PRKCE: variants seen among roughly 807,000 people sequenced by gnomAD.
PRKCE encodes protein kinase C epsilon type.
Under a neutral mutation model 85.4 loss-of-function variants are expected in PRKCE, and 16 were observed. That is an observed-to-expected ratio of 0.19 (90% CI 0.13 to 0.28). The LOEUF (loss-of-function observed/expected upper bound fraction) is 0.28. Among genes scored for constraint, PRKCE ranks in the 10% least tolerant of loss-of-function variants. The probability of loss-of-function intolerance (pLI) is 1.00; values close to 1 mark genes in which losing one functional copy is unlikely to be tolerated. For missense variants in PRKCE, 573 were observed against 975.2 expected, an observed-to-expected ratio of 0.59 and a Z score of 5.49; for synonymous variants, 388 against 371.5, an observed-to-expected ratio of 1.04 and a Z score of -0.51.
At chr2:46,077,167 G>GCACACACA (rs68042105) in intron 10 of PRKCE, among the ~76,000 whole-genome samples, 3 of 150,098 alleles carry the variant, frequency 2.0e-5, no homozygotes, top group Non-Finnish European at 3.0e-5. Context: ...TCTTTCTCGT[G>GCACACACA]CACACACACA....
chr2:45,827,941 T>C (rs1690082943), intron 1 of PRKCE, among the ~76,000 whole-genome samples: 1 of 152,232 alleles, frequency 6.6e-6, no homozygotes, highest in Admixed American at 6.5e-5. Context: ...CATTTTTCTT[T>C]TTTTCTTTTT....
chr2:45,802,875 T>C (rs1038171211), intron 1 of PRKCE, among the ~76,000 whole-genome samples: 1 of 152,244 alleles, frequency 6.6e-6, no homozygotes, highest in African/African-American at 2.4e-5. Flanking sequence ...TAGGACCATC[T>C]TGATTATTAT....
intron 14 of PRKCE, among the ~76,000 whole-genome samples, chr2:46,178,572 C>T (rs781404610): frequency 1.6e-4 from 24 of 152,006 alleles, no homozygotes; most frequent in Non-Finnish European, 1.8e-4. Flanking sequence ...TCTTTTAATT[C>T]GAATGTATGG....
At chr2:46,011,905 C>A (rs1705712149) in intron 10 of PRKCE, among the ~76,000 whole-genome samples, 1 of 152,186 alleles carries the variant, frequency 6.6e-6, no homozygotes, top group Non-Finnish European at 1.5e-5. Flanking sequence ...GGAAATCATT[C>A]TGCTTATCTT....
At chr2:46,072,001 A>G (rs1448830999) in intron 10 of PRKCE, among the ~76,000 whole-genome samples, 3 of 152,266 alleles carry the variant, frequency 2.0e-5, no homozygotes, top group Non-Finnish European at 4.4e-5. Flanking sequence ...TTCCTCCGAC[A>G]GCACAACAAT....
At position 46,036,083 on chromosome 2, in the gene PRKCE, G is replaced by A. The variant is rs190486155; in HGVS notation, c.1437+25566G>A. On this transcript the variant is annotated intron_variant, in intron 10 of 14. Coordinates refer to ENST00000306156, the MANE Select transcript of PRKCE (RefSeq NM_005400.3). ...AGAACATGAAAGAAGTGGAGGAGCC[G>A]GCCACTCATATGCCTGGGGGAGGAG... Among the ~76,000 whole-genome samples, 223 of 152,294 alleles carry A rather than the reference G, an allele frequency of 1.5e-3. 6 individuals are homozygous for A. Among genetic ancestry groups the A allele is most frequent in the Admixed American group, 0.012 (185 of 15,300 alleles).
chr2:45,973,657 G>A (rs1702251017), intron 2 of PRKCE, among the ~76,000 whole-genome samples: 1 of 152,180 alleles, frequency 6.6e-6, no homozygotes, highest in South Asian at 2.1e-4. Context: ...CAGGTATCAG[G>A]GCACCCCGCT....
At chr2:46,082,750 G>C (rs1669218275) in intron 10 of PRKCE, among the ~76,000 whole-genome samples, 2 of 152,168 alleles carry the variant, frequency 1.3e-5, no homozygotes, top group Non-Finnish European at 2.9e-5. Flanking sequence ...GAAAGCCAAG[G>C]GAAACAAGTG....
chr2:46,116,622 C>A (rs562130226), intron 11 of PRKCE, among the ~76,000 whole-genome samples: 3 of 152,084 alleles, frequency 2.0e-5, no homozygotes, highest in Non-Finnish European at 2.9e-5. Context: ...GTCTGTGTAG[C>A]CTTCATTTGC....
chr2:45,969,068 C>A (rs555410662), intron 2 of PRKCE, among the ~76,000 whole-genome samples: 1 of 150,866 alleles, frequency 6.6e-6, no homozygotes, highest in Non-Finnish European at 1.5e-5. Flanking sequence ...GATATAAAAC[C>A]TTCTGGAGTT....
intron 10 of PRKCE, among the ~76,000 whole-genome samples, chr2:46,047,490 G>A (rs765260356): frequency 2.6e-5 from 4 of 152,194 alleles, no homozygotes; most frequent in Non-Finnish European, 5.9e-5. Context: ...CTGTGAGCTC[G>A]CAGTGCTGTG....
chr2:45,889,320 A>G (rs1695539478), intron 2 of PRKCE, among the ~76,000 whole-genome samples: 1 of 152,184 alleles, frequency 6.6e-6, no homozygotes, highest in Non-Finnish European at 1.5e-5. Flanking sequence ...GCAAAGCCCT[A>G]GAGACAGTGA....
intron 2 of PRKCE, among the ~76,000 whole-genome samples, chr2:45,858,326 T>C (rs1692846282): frequency 2.0e-5 from 3 of 152,346 alleles, no homozygotes; most frequent in Admixed American, 1.3e-4. Flanking sequence ...ATTCACTTCC[T>C]GTACTGCATG....
At chr2:45,850,556 T>A (rs553350656) in intron 2 of PRKCE, among the ~76,000 whole-genome samples, 33 of 152,368 alleles carry the variant, frequency 2.2e-4, no homozygotes, top group African/African-American at 7.2e-4. Context: ...AATTTAGAGT[T>A]GTCTGTCTTT....
At position 45,917,948 on chromosome 2, in the gene PRKCE, CCGG is replaced by C. The variant is rs1486806253; in HGVS notation, c.413-58476_413-58474del. The stretch of plus-strand genomic sequence containing the variant: ...CCCTCATTGCCCAGGGCTGGCAGGG[CCGG>C]CGGCCGGCTGCTCCGAGTGCGGGGC... On this transcript the variant is annotated intron_variant, in intron 2 of 14. Coordinates refer to ENST00000306156, the MANE Select transcript of PRKCE (RefSeq NM_005400.3). 5.3e-5 allele frequency among the ~76,000 whole-genome samples: 8 copies of C among 152,296 alleles called. No individual in the cohort carries two copies. The East Asian group carries it at 1.5e-3, about 29-fold the overall frequency.
chr2:46,025,723 G>C (rs1707057023), intron 10 of PRKCE, among the ~76,000 whole-genome samples: 1 of 152,180 alleles, frequency 6.6e-6, no homozygotes, highest in Admixed American at 6.5e-5. Context: ...GGAGCACAGT[G>C]GCAAGGTCCC....
At chr2:45,824,735 A>G (rs890996696) in intron 1 of PRKCE, among the ~76,000 whole-genome samples, 1 of 151,908 alleles carries the variant, frequency 6.6e-6, no homozygotes, top group African/African-American at 2.4e-5. Context: ...CCCATGAGCA[A>G]TTTTCCAGTT....
At chr2:45,816,168 C>T (rs1689023260) in intron 1 of PRKCE, among the ~76,000 whole-genome samples, 1 of 152,174 alleles carries the variant, frequency 6.6e-6, no homozygotes, top group South Asian at 2.1e-4. Flanking sequence ...AGGCCTGGCA[C>T]TGCGTCATAC....
chr2:45,702,522 G>A (rs1358229565), intron 1 of PRKCE, among the ~76,000 whole-genome samples: 3 of 152,194 alleles, frequency 2.0e-5, no homozygotes, highest in Admixed American at 2.0e-4. Context: ...TGTTTATCCT[G>A]AGCGGTGGAC....
Sources: allele counts gnomAD v4.1 joint callset (sites outside exome capture counted in the v4.1 genomes callset), GRCh38; gene constraint gnomAD v4.1.1; transcripts MANE v1.5; gene names NCBI Gene and HGNC (gene_info 2026-07-23, HGNC 2026-07-21).